Variants in OLFM3 observed in about 807,000 individuals in gnomAD.
OLFM3 encodes olfactomedin 3, also known as noelin-3.
In OLFM3, 20 loss-of-function variants were observed where a neutral mutation model predicts 48.6. The observed-to-expected ratio is 0.41, with a 90% confidence interval of 0.29 to 0.60. The LOEUF (loss-of-function observed/expected upper bound fraction) is 0.60, where lower values mean the gene tolerates loss of function less well. Ranked by LOEUF, OLFM3 falls within the 20% of genes least tolerant of loss-of-function variation. OLFM3 has a pLI of 0.28. For missense variants in OLFM3, 437 were observed against 544.3 expected, an observed-to-expected ratio of 0.80 and a Z score of 1.96; for synonymous variants, 222 against 198.1, an observed-to-expected ratio of 1.12 and a Z score of -1.01.
intron 1 of OLFM3, among the ~76,000 whole-genome samples, chr1:101,925,478 T>A (rs1008497750): frequency 7.3e-5 from 11 of 151,144 alleles, no homozygotes; most frequent in African/African-American, 2.7e-4. Flanking sequence ...TGTATGTGAG[T>A]GTGTGTGTGT....
chr1:101,932,865 A>G (rs746802373), intron 1 of OLFM3, among the ~76,000 whole-genome samples: 3 of 152,152 alleles, frequency 2.0e-5, no homozygotes, highest in Non-Finnish European at 4.4e-5. Context: ...TCAACATTCA[A>G]GGGAAAGTCA....
intron 4 of OLFM3, among the ~76,000 whole-genome samples, chr1:101,809,947 T>C (rs1450535724): frequency 6.6e-6 from 1 of 151,930 alleles, no homozygotes; most frequent in Non-Finnish European, 1.5e-5. Context: ...ATAAACTAAT[T>C]ACATAAAACT....
intron 1 of OLFM3, among the ~76,000 whole-genome samples, chr1:101,984,456 G>A (rs1224988702): frequency 6.6e-6 from 1 of 152,150 alleles, no homozygotes; most frequent in Non-Finnish European, 1.5e-5. Context: ...AGAGTGCAGA[G>A]GCGCCATCTT....
At chr1:101,982,967 A>C (rs1489061578) in intron 1 of OLFM3, among the ~76,000 whole-genome samples, 6 of 152,182 alleles carry the variant, frequency 3.9e-5, no homozygotes, top group African/African-American at 7.2e-5. Context: ...GAGAACCTCG[A>C]ATAGTACAAC....
chr1:101,996,397 G>A (rs1570700485), intron 1 of OLFM3, among the ~76,000 whole-genome samples: 2 of 152,234 alleles, frequency 1.3e-5, no homozygotes, highest in South Asian at 4.1e-4. Context: ...TTTATAAATT[G>A]CATTGTTTCT....
chr1:101,926,186 C>T (rs1434273049), intron 1 of OLFM3, among the ~76,000 whole-genome samples: 1 of 152,152 alleles, frequency 6.6e-6, no homozygotes, highest in Non-Finnish European at 1.5e-5. Context: ...TAACTATAGG[C>T]TTAAGCCAAG....
At chr1:101,978,172 C>T (rs1390819542) in intron 1 of OLFM3, among the ~76,000 whole-genome samples, 2 of 152,020 alleles carry the variant, frequency 1.3e-5, no homozygotes, top group Admixed American at 1.3e-4. Context: ...GTATTATTTT[C>T]CCAATTGTAT....
chr1:101,904,383 G>A (rs964678317), intron 1 of OLFM3, among the ~76,000 whole-genome samples: 4 of 152,064 alleles, frequency 2.6e-5, no homozygotes, highest in Non-Finnish European at 4.4e-5. Flanking sequence ...ACATTTAGTA[G>A]GGTGGAGGAA....
chr1:101,970,907 T>G lies in OLFM3; in HGVS notation c.69+25841A>C, dbSNP rs534572268. Among the ~76,000 whole-genome samples, 7 of 152,000 alleles carry G rather than the reference T, an allele frequency of 4.6e-5. No individual in the cohort carries two copies. In the South Asian group the frequency reaches 1.5e-3, roughly 32 times the overall value. On this transcript the variant is annotated intron_variant, in intron 1 of 5. Coordinates refer to ENST00000370103, the MANE Select transcript of OLFM3 (RefSeq NM_058170.4). ...ATAGATTGCGGCATGACAAAAATCA[T>G]GTTTTGAATGTTAAAGCACCTTACT...
intron 1 of OLFM3, among the ~76,000 whole-genome samples, chr1:101,911,629 G>T (rs773921713): frequency 6.6e-6 from 1 of 152,148 alleles, no homozygotes; most frequent in South Asian, 2.1e-4. Context: ...ACAAATACCA[G>T]TTGAGACAGC....
intron 1 of OLFM3, among the ~76,000 whole-genome samples, chr1:101,870,738 G>A (rs1170868143): frequency 6.6e-6 from 1 of 151,854 alleles, no homozygotes; most frequent in Non-Finnish European, 1.5e-5. Flanking sequence ...GGCTTCCTGT[G>A]GGGGTGTAGG....
intron 1 of OLFM3, among the ~76,000 whole-genome samples, chr1:101,963,110 C>T (rs1053827951): frequency 1.3e-5 from 2 of 152,192 alleles, no homozygotes; most frequent in African/African-American, 4.8e-5. Context: ...GGCACCACAC[C>T]TTCAGATTCA....
chr1:101,948,148 A>G (rs1214213890), intron 1 of OLFM3, among the ~76,000 whole-genome samples: 1 of 152,210 alleles, frequency 6.6e-6, no homozygotes, highest in African/African-American at 2.4e-5. Flanking sequence ...GAAAAAAAAT[A>G]CAATTACTGA....
At chr1:101,946,146 T>C (rs1016052750) in intron 1 of OLFM3, among the ~76,000 whole-genome samples, 2 of 152,170 alleles carry the variant, frequency 1.3e-5, no homozygotes, top group African/African-American at 4.8e-5. Flanking sequence ...TGAGAAATAC[T>C]GCAGAAGGTA....
At chr1:101,962,829 ACT>A (rs1660505375) in intron 1 of OLFM3, among the ~76,000 whole-genome samples, 1 of 152,174 alleles carries the variant, frequency 6.6e-6, no homozygotes, top group Non-Finnish European at 1.5e-5. Flanking sequence ...TAGTTAACTC[ACT>A]GCCAAAGTTG....
intron 1 of OLFM3, among the ~76,000 whole-genome samples, chr1:101,935,341 T>G (rs1282483872): frequency 6.6e-6 from 1 of 151,220 alleles, no homozygotes; most frequent in East Asian, 1.9e-4. Flanking sequence ...GAGACTACTG[T>G]GAACACCTCT....
intron 1 of OLFM3, among the ~76,000 whole-genome samples, chr1:101,940,916 A>G (rs1023349878): frequency 2.0e-5 from 3 of 152,124 alleles, no homozygotes; most frequent in Admixed American, 2.0e-4. Context: ...GAAAAGTGAT[A>G]TTTGAGGTTA....
chr1:101,990,027 A>G (rs1661356073), intron 1 of OLFM3, among the ~76,000 whole-genome samples: 1 of 152,190 alleles, frequency 6.6e-6, no homozygotes, highest in South Asian at 2.1e-4. Context: ...ATCTGTTGGT[A>G]GATTCTTTGT....
At chr1:101,956,022 T>G (rs1482009473) in intron 1 of OLFM3, among the ~76,000 whole-genome samples, 1 of 151,564 alleles carries the variant, frequency 6.6e-6, no homozygotes, top group Non-Finnish European at 1.5e-5. Flanking sequence ...GTCACCAAAT[T>G]CTGTCAGTTT....
Sources: gnomAD v4.1 joint callset for allele counts (sites outside exome capture counted in the v4.1 genomes callset) on GRCh38, gnomAD v4.1.1 for gene constraint, MANE v1.5 for transcripts, NCBI Gene and HGNC (gene_info 2026-07-23, HGNC 2026-07-21) for gene names.